Variants in NEMP2 observed in about 807,000 individuals in gnomAD.
NEMP2 encodes UPF0571 transmembrane protein.
NEMP2 carries 53 observed loss-of-function variants against 54.2 expected under a neutral mutation model. The ratio of observed to expected loss-of-function variants is 0.98; its 90% CI spans 0.78 to 1.23. NEMP2 has a LOEUF of 1.23. Ranked by LOEUF, NEMP2 falls within the 50% of genes most tolerant of loss-of-function variation. The pLI, the probability that NEMP2 is intolerant of heterozygous loss-of-function variation, is 0.00. For missense variants in NEMP2, 455 were observed against 511.3 expected (o/e 0.89, Z 1.06); for synonymous variants, 197 against 190.3 (o/e 1.04, Z -0.29).
the NEMP2 span, among the ~76,000 whole-genome samples, chr2:190,496,659 T>C: frequency 2.7e-5 from 4 of 148,294 alleles, 1 homozygote; most frequent in Non-Finnish European, 5.9e-5. This position sits in a 1 kb window ranked among gnomAD's most constrained non-coding sequence, Gnocchi z 4.7. Flanking sequence ...TATGTGTATA[T>C]GTGTGTGTAT....
At chr2:190,516,619 C>T (rs929890126) in intron 5 of NEMP2, among the ~76,000 whole-genome samples, 4 of 152,118 alleles carry the variant, frequency 2.6e-5, no homozygotes, top group African/African-American at 9.7e-5. Flanking sequence ...TAAATCAGAA[C>T]CTGCATTTCA....
chr2:190,440,119 G>C, the NEMP2 span, among the ~76,000 whole-genome samples: 1 of 152,150 alleles, frequency 6.6e-6, no homozygotes, highest in South Asian at 2.1e-4. Context: ...TTGTCCTGTT[G>C]GAAGTTTGTT....
chr2:190,490,790 G>C, the NEMP2 span, among the ~76,000 whole-genome samples: 4 of 152,112 alleles, frequency 2.6e-5, no homozygotes, highest in Admixed American at 6.5e-5. This position sits in a 1 kb window ranked among gnomAD's most constrained non-coding sequence, Gnocchi z 4.5. Context: ...ATCTTCTTTG[G>C]GTGTCCTATC....
At chr2:190,641,371 C>T in the NEMP2 span, 1 of 152,256 alleles carries the variant, frequency 6.6e-6, no homozygotes, top group Non-Finnish European at 1.5e-5. Flanking sequence ...TGACAAGTCA[C>T]ACACCTTTGT....
chr2:190,422,484 G>A, the NEMP2 span, among the ~76,000 whole-genome samples: 1 of 152,180 alleles, frequency 6.6e-6, no homozygotes, highest in Non-Finnish European at 1.5e-5. Context: ...GTGAGAAATT[G>A]CATGTGTAAA....
rs775101515 is a variant in NEMP2, at chr2:190,512,918, C to T, written c.953+1535G>A. On this transcript the variant is annotated intron_variant, in intron 7 of 8. Coordinates refer to ENST00000409150, the MANE Select transcript of NEMP2 (RefSeq NM_001142645.2). This position sits in a 1 kb window ranked among gnomAD's most constrained non-coding sequence, Gnocchi z 4.5. ...TAACCCTGTGATATTGCCACACACA[C>T]ACACAGTCACCAGTTCCATAAACTA... Among the ~76,000 whole-genome samples, 134 of 152,376 alleles carry T rather than the reference C, an allele frequency of 8.8e-4. No homozygotes were observed. The highest frequency in any genetic ancestry group is 3.0e-3 in the African/African-American group (126 of 41,588).
the NEMP2 span, among the ~76,000 whole-genome samples, chr2:190,570,580 C>T: frequency 6.6e-6 from 1 of 152,258 alleles, no homozygotes; most frequent in South Asian, 2.1e-4. The surrounding 1 kb of genome is among the most constrained non-coding windows in gnomAD (Gnocchi z 5.4). Context: ...ACCCCAAAGA[C>T]AGGATGAAGC....
At chr2:190,500,264 G>C, downstream of NEMP2, 1 of 1,605,030 alleles carries the variant, frequency 6.2e-7, no homozygotes. The surrounding 1 kb of genome is among the most constrained non-coding windows in gnomAD (Gnocchi z 5.3). Context: ...AGGCTCCTCA[G>C]CCAGGACACA....
the NEMP2 span, among the ~76,000 whole-genome samples, chr2:190,556,171 A>G: frequency 6.6e-6 from 1 of 152,234 alleles, no homozygotes; most frequent in African/African-American, 2.4e-5. Context: ...GGCTGGTTCA[A>G]CAAACACAAA....
chr2:190,471,103 A>AG, the NEMP2 span, among the ~76,000 whole-genome samples: 2 of 152,166 alleles, frequency 1.3e-5, no homozygotes, highest in Non-Finnish European at 1.5e-5. The surrounding 1 kb of genome is among the most constrained non-coding windows in gnomAD (Gnocchi z 4.7). Context: ...TAAGAATAAC[A>AG]GGAGGGTGGA....
chr2:190,632,662 C>T, the NEMP2 span, among the ~76,000 whole-genome samples: 1 of 152,200 alleles, frequency 6.6e-6, no homozygotes, highest in East Asian at 1.9e-4. This position sits in a 1 kb window ranked among gnomAD's most constrained non-coding sequence, Gnocchi z 4.8. Context: ...CAGGGACCAA[C>T]TTTGTTTACC....
the NEMP2 span, among the ~76,000 whole-genome samples, chr2:190,448,884 C>T: frequency 2.6e-5 from 4 of 152,038 alleles, no homozygotes; most frequent in African/African-American, 9.7e-5. Flanking sequence ...AGTTTGAAAC[C>T]CATGTGTCCT....
chr2:190,453,302 G>T, the NEMP2 span, among the ~76,000 whole-genome samples: 4 of 152,102 alleles, frequency 2.6e-5, no homozygotes, highest in Admixed American at 6.6e-5. Context: ...CTGGGTAGGG[G>T]AAGAGGATCC....
chr2:190,647,773 G>A, the NEMP2 span, among the ~76,000 whole-genome samples: 1 of 122,488 alleles, frequency 8.2e-6, no homozygotes, highest in Non-Finnish European at 1.6e-5. Flanking sequence ...GGAGTGCAAT[G>A]GCACGATCTT....
chr2:190,537,615 C>A (rs1574329169), upstream of NEMP2, among the ~76,000 whole-genome samples: 1 of 152,100 alleles, frequency 6.6e-6, no homozygotes, highest in African/African-American at 2.4e-5. Context: ...GAACTTTGAA[C>A]TTGAGAGATG....
chr2:190,607,061 T>C, the NEMP2 span, among the ~76,000 whole-genome samples: 56 of 152,100 alleles, frequency 3.7e-4, no homozygotes, highest in Non-Finnish European at 7.2e-4. This position sits in a 1 kb window ranked among gnomAD's most constrained non-coding sequence, Gnocchi z 5.2. Context: ...GGGTTCAGAG[T>C]GGAGGCATCT....
At chr2:190,641,651 C>T in the NEMP2 span, among the ~76,000 whole-genome samples, 2 of 152,188 alleles carry the variant, frequency 1.3e-5, no homozygotes, top group African/African-American at 4.8e-5. Flanking sequence ...AGCACTTTAA[C>T]CTACTCTCCA....
the NEMP2 span, among the ~76,000 whole-genome samples, chr2:190,629,461 G>C: frequency 1.3e-5 from 2 of 152,128 alleles, no homozygotes; most frequent in Non-Finnish European, 2.9e-5. Context: ...ATTGAAGCAA[G>C]AACAAACATT....
At chr2:190,579,521 T>C in the NEMP2 span, among the ~76,000 whole-genome samples, 1 of 152,298 alleles carries the variant, frequency 6.6e-6, no homozygotes, top group Non-Finnish European at 1.5e-5. Flanking sequence ...TCTAGGACTA[T>C]AGTGTGCTTA....
Sources: allele counts gnomAD v4.1 joint callset (sites outside exome capture counted in the v4.1 genomes callset), GRCh38; gene constraint gnomAD v4.1.1; non-coding constraint Gnocchi (gnomAD v3.1); transcripts MANE v1.5; gene names NCBI Gene and HGNC (gene_info 2026-07-23, HGNC 2026-07-21).